TRPC3: variants seen among roughly 807,000 people sequenced by gnomAD.
The protein encoded by TRPC3 is transient receptor potential cation channel subfamily C member 3.
In TRPC3, 54 loss-of-function variants were observed where a neutral mutation model predicts 90.9. The ratio of observed to expected loss-of-function variants is 0.59; its 90% CI spans 0.48 to 0.75. The LOEUF (loss-of-function observed/expected upper bound fraction) is 0.75, where lower values mean the gene tolerates loss of function less well. Ranked by LOEUF, TRPC3 falls within the 30% of genes least tolerant of loss-of-function variation. TRPC3 has a pLI of 0.00. For synonymous variants in TRPC3, 424 were observed against 450.9 expected, an observed-to-expected ratio of 0.94 and a Z score of 0.75; for missense variants, 918 against 1,194.5, an observed-to-expected ratio of 0.77 and a Z score of 3.41.
rs1319991876 is a variant in TRPC3, at chr4:121,877,730, T to C, written c.*2006A>G. On this transcript the variant is annotated 3_prime_UTR_variant, in exon 12 of 12. Transcript: ENST00000379645. The stretch of plus-strand genomic sequence containing the variant: ...ACTATACCAGTTTGTACATAGTAAA[T>C]AAAGAAAAAATGCCTGTTAAGAGCT... 1.1e-5 allele frequency among the ~76,000 whole-genome samples: 1 copy of C among 93,974 alleles called. No individual in the cohort carries two copies. The highest frequency in any genetic ancestry group is 1.2e-4 in the Admixed American group (1 of 8,194). The allele number at this position is 93,974 out of a possible 152,430, so 61.7% of individuals were successfully genotyped here.
chr4:121,929,236 CTAGAG>C (rs1000640088), intron 2 of TRPC3, among the ~76,000 whole-genome samples: 18 of 152,230 alleles, frequency 1.2e-4, no homozygotes, highest in East Asian at 5.8e-4. Flanking sequence ...AAGATGATTC[CTAGAG>C]TATTTTCCTG....
chr4:121,932,298 C>A lies in TRPC3; in HGVS notation c.960G>T (p.Lys320Asn). The change falls in exon 2 of 12, where the codon AAG becomes AAT. Residue 320 changes from lysine to asparagine, a missense_variant. Lys to Asn is a moderately conservative substitution (Grantham distance 94). Around this residue, in one of 4 missense-constraint regions of TRPC3, gnomAD observed 609 missense variants for 725.9 expected, o/e 0.84. Transcript: ENST00000379645. The surrounding 1 kb of genome is among the most constrained non-coding windows in gnomAD (Gnocchi z 7.7). ...TALELSNELAKLANIEKEFKN... is the reference protein window; with the variant it reads ...TALELSNELANLANIEKEFKN... The stretch of plus-strand genomic sequence containing the variant: ...TGAACTCCTTCTCTATGTTGGCCAG[C>A]TTGGCCAGCTCGTTGCTGAGCTCTA... 1 of 1,614,124 alleles carries A rather than the reference C, an allele frequency of 6.2e-7. No individual in the cohort carries two copies. The highest frequency in any genetic ancestry group is 1.1e-5 in the South Asian group (1 of 91,074).
chr4:121,910,301 T>G lies in TRPC3; in HGVS notation c.1645A>C (p.Met549Leu). 6.2e-7 allele frequency: 1 copy of G among 1,613,758 alleles called. No homozygotes were observed. Among genetic ancestry groups the G allele is most frequent in the Non-Finnish European group, 8.5e-7 (1 of 1,179,732 alleles). ...LQLWNVLDFGMLSIFIAAFTA... is the reference protein window; with the variant it reads ...LQLWNVLDFGLLSIFIAAFTA... The stretch of plus-strand genomic sequence containing the variant: ...AAAGCAGCAATGAAGATGGACAGCA[T>G]CCCAAAGTCAAGCACATTCCACAAC... Residue 549 changes from methionine to leucine, a missense_variant, in exon 6 of 12, where the codon ATG becomes CTG. Around this residue, in one of 4 missense-constraint regions of TRPC3, gnomAD observed 147 missense variants for 263.5 expected, o/e 0.56. Coordinates refer to ENST00000379645, the MANE Select transcript of TRPC3 (RefSeq NM_001130698.2).
chr4:121,931,489 T>C (rs567149566), intron 2 of TRPC3, among the ~76,000 whole-genome samples: 109 of 152,198 alleles, frequency 7.2e-4, no homozygotes, highest in Non-Finnish European at 1.3e-3. Flanking sequence ...CTGTCATTAA[T>C]ATATAATTTT....
At chr4:121,942,119 A>T (rs1405531360) in intron 1 of TRPC3, among the ~76,000 whole-genome samples, 1 of 152,130 alleles carries the variant, frequency 6.6e-6, no homozygotes, top group Non-Finnish European at 1.5e-5. Flanking sequence ...CATCATTCCC[A>T]CCGCCGCCCT....
chr4:121,880,003 G>T, intron 11 of TRPC3, 125 bp from the exon 12 acceptor site: 1 of 836,742 alleles, frequency 1.2e-6, no homozygotes, highest in Non-Finnish European at 1.7e-6. Flanking sequence ...CTACTTCAAA[G>T]TTTTTTCTTT....
chr4:121,894,637 C>T (rs13108360), intron 10 of TRPC3, among the ~76,000 whole-genome samples: 42,233 of 138,470 alleles, frequency 0.3, 6,723 homozygotes, highest in East Asian at 0.46. Flanking sequence ...AATCATGGCT[C>T]ACTGCAGTCT....
rs1347421930 is a variant in TRPC3, at chr4:121,875,919, G to A, written c.*3817C>T. On this transcript the variant is annotated 3_prime_UTR_variant, in exon 12 of 12. Coordinates refer to ENST00000379645, the MANE Select transcript of TRPC3 (RefSeq NM_001130698.2). ...TTTTTTTTTTTTTTTTTTTTTTTGT[G>A]GGGGGTGGTTCACTTTGTCACCCAG... is the stretch of plus-strand genomic sequence containing the variant. Among the ~76,000 whole-genome samples the A allele has an allele frequency of 3.3e-4, 35 of 107,482 alleles. 1 individual carries two copies. Among genetic ancestry groups the A allele is most frequent in the South Asian group, 2.0e-3 (6 of 3,038 alleles). 70.5% of individuals were successfully genotyped at this position (107,482 alleles called of 152,430 possible). A position where few individuals can be genotyped will look rare whatever the true frequency, so the allele number is the denominator to read the frequency against.
At chr4:121,919,910 G>A (rs1729444406) in intron 3 of TRPC3, among the ~76,000 whole-genome samples, 1 of 152,132 alleles carries the variant, frequency 6.6e-6, no homozygotes, top group South Asian at 2.1e-4. Flanking sequence ...CATAGCTCAC[G>A]GTGAAGTAGG....
chr4:121,917,905 C>T (rs917214806), intron 3 of TRPC3, among the ~76,000 whole-genome samples: 34 of 152,122 alleles, frequency 2.2e-4, no homozygotes, highest in African/African-American at 8.2e-4. Context: ...AAACAAAATT[C>T]CCATGAAGTT....
chr4:121,924,873 C>CT (rs1463277156), intron 3 of TRPC3, 145 bp downstream of exon 3: 1 of 878,998 alleles, frequency 1.1e-6, no homozygotes, highest in African/African-American at 1.8e-5. Context: ...AATTTTGTTT[C>CT]TTTTTTGTAC....
chr4:121,946,504 A>G (rs955304611), intron 1 of TRPC3, among the ~76,000 whole-genome samples: 5 of 152,244 alleles, frequency 3.3e-5, no homozygotes, highest in African/African-American at 1.2e-4. Context: ...AGCGGTGAAC[A>G]ATGATTACAT....
At chr4:121,920,341 G>A (rs1231987557) in intron 3 of TRPC3, among the ~76,000 whole-genome samples, 2 of 151,858 alleles carry the variant, frequency 1.3e-5, no homozygotes, top group East Asian at 3.9e-4. Flanking sequence ...GGCCAACATG[G>A]TAAAACCCCG....
At chr4:121,904,152 T>G (rs1285960743) in intron 8 of TRPC3, among the ~76,000 whole-genome samples, 170 bp downstream of exon 8, 2 of 152,110 alleles carry the variant, frequency 1.3e-5, no homozygotes, top group African/African-American at 4.8e-5. Context: ...GACAGCAGAA[T>G]GTGTAGAGCT....
At chr4:121,927,232 A>G (rs1375986388) in intron 2 of TRPC3, among the ~76,000 whole-genome samples, 1 of 152,188 alleles carries the variant, frequency 6.6e-6, no homozygotes, top group African/African-American at 2.4e-5. Flanking sequence ...TTGCATATTT[A>G]TACACTGCCA....
rs1052798325 is a variant in TRPC3, at chr4:121,932,898, G to A, written c.360C>T (p.Ala120=). 2.2e-5 allele frequency: 35 copies of A among 1,613,966 alleles called. No homozygotes were observed. The highest frequency in any genetic ancestry group is 2.6e-5 in the Non-Finnish European group (31 of 1,179,996). ...GCACCACTGGGATGTTGCCGTACTC[G>A]GCGGCGTCGAGGAAGCGCTCCTCCT... ...TAEEERFLDA[A]EYGNIPVVRK... is the part of the protein sequence containing the mutation. Residue 120 remains alanine, a synonymous_variant, in exon 2 of 12, where the codon GCC becomes GCT. Coordinates refer to ENST00000379645, the MANE Select transcript of TRPC3 (RefSeq NM_001130698.2). This position sits in a 1 kb window ranked among gnomAD's most constrained non-coding sequence, Gnocchi z 7.7.
chr4:121,936,623 G>C (rs577474408), intron 1 of TRPC3, among the ~76,000 whole-genome samples: 21 of 152,274 alleles, frequency 1.4e-4, no homozygotes, highest in African/African-American at 5.1e-4. Context: ...AGAGCCTTTG[G>C]GAGATTATTT....
At chr4:121,940,374 GT>G (rs1436501881) in intron 1 of TRPC3, among the ~76,000 whole-genome samples, 1 of 152,212 alleles carries the variant, frequency 6.6e-6, no homozygotes, top group Non-Finnish European at 1.5e-5. Flanking sequence ...GGCATTTAAT[GT>G]TTTCTCTCCT....
chr4:121,894,463 A>G (rs1728440157), intron 10 of TRPC3, among the ~76,000 whole-genome samples: 1 of 152,070 alleles, frequency 6.6e-6, no homozygotes, highest in Admixed American at 6.6e-5. Flanking sequence ...GAAAATCAAC[A>G]AAAAACCATC....
Sources: allele counts gnomAD v4.1 joint callset (sites outside exome capture counted in the v4.1 genomes callset), GRCh38; gene constraint gnomAD v4.1.1; regional missense constraint gnomAD v4.1.1; non-coding constraint Gnocchi (gnomAD v3.1); transcripts MANE v1.5; gene names NCBI Gene and HGNC (gene_info 2026-07-23, HGNC 2026-07-21).